Variants in ECHS1 observed in about 807,000 individuals in gnomAD.
The protein encoded by ECHS1 is enoyl-CoA hydratase, short chain 1, also known as enoyl-CoA hydratase, mitochondrial.
ECHS1 carries 19 observed loss-of-function variants against 33.5 expected under a neutral mutation model. The observed-to-expected ratio is 0.57, with a 90% CI of 0.40 to 0.83. The LOEUF is 0.83. Ranked by LOEUF, ECHS1 falls within the 40% of genes least tolerant of loss-of-function variation. ECHS1 has a pLI of 0.00. For missense variants in ECHS1, 365 were observed against 381.3 expected (o/e 0.96, Z 0.36); for synonymous variants, 158 against 146.6 (o/e 1.08, Z -0.56).
intron 1 of ECHS1, among the ~76,000 whole-genome samples, chr10:133,371,195 T>A (rs1849104071): frequency 6.6e-6 from 1 of 151,886 alleles, no homozygotes; most frequent in Non-Finnish European, 1.5e-5. Flanking sequence ...GAGAGTGGCA[T>A]GAACCCAGGA....
intron 2 of ECHS1, 47 bp from the exon 3 acceptor site, chr10:133,370,078 C>A: frequency 6.2e-7 from 1 of 1,609,026 alleles, no homozygotes; most frequent in Non-Finnish European, 8.5e-7. Context: ...AGCAGAGAGC[C>A]CACCCATCCT....
In ECHS1 at chr10:133,362,606, C is replaced by A; in HGVS notation, c.*262G>T. ...GGACCCGCAGGCCCCGCTTTCCGTC[C>A]GAGCACAGCATGCCCAGAGGGACCA... On this transcript the variant is annotated 3_prime_UTR_variant, in exon 8 of 8. Coordinates refer to ENST00000368547, the MANE Select transcript of ECHS1 (RefSeq NM_004092.4). The A allele has an allele frequency of 1.9e-6, 1 of 526,956 alleles. No individual in the cohort carries two copies. Among genetic ancestry groups the A allele is most frequent in the Non-Finnish European group, 3.4e-6 (1 of 292,756 alleles). The allele number at this position is 526,956 out of a possible 1,614,324, so 32.6% of individuals were successfully genotyped here.
At position 133,373,293 on chromosome 10, in the gene ECHS1, G is replaced by A. The variant is rs781545463; in HGVS notation, c.41C>T (p.Pro14Leu). 3 of 1,485,434 alleles carry A rather than the reference G, an allele frequency of 2.0e-6. No homozygotes were observed. Among genetic ancestry groups the A allele is most frequent in the Non-Finnish European group, 1.8e-6 (2 of 1,124,018 alleles). 92.0% of individuals were successfully genotyped at this position (1,485,434 alleles called of 1,614,324 possible). A position where few individuals can be genotyped will look rare whatever the true frequency, so the allele number is the denominator to read the frequency against. Residue 14 changes from proline (P) to leucine (L), a missense_variant, in exon 1 of 8, where the codon CCG becomes CTG. Transcript: ENST00000368547. ...GGGACAGCGAACCGGGGGCCTCAGCGGGCCGCGGACGCAGGACAGCAGGAC... is the reference window on the plus strand; with the variant it reads ...GGGACAGCGAACCGGGGGCCTCAGCAGGCCGCGGACGCAGGACAGCAGGAC... ...LRVLLSCVRG[P>L]LRPPVRCPAW...
At chr10:133,373,099 CGGGGTCAGG>C (rs1849136699) in intron 1 of ECHS1, 138 bp downstream of exon 1, 4 of 395,982 alleles carry the variant, frequency 1.0e-5, no homozygotes, top group Middle Eastern at 6.8e-4. Flanking sequence ...GGTGAGGGTG[CGGGGTCAGG>C]CGGAAGAGGG....
Position 133,370,712 on chromosome 10 carries a change from T to A in ECHS1, c.134A>T (p.Asn45Ile). The change falls in exon 2 of 8, where the codon AAC becomes ATC. Residue 45 changes from asparagine (N) to isoleucine (I), a missense_variant. By Grantham distance (149) the Asn-to-Ile change is moderately radical. Transcript: ENST00000368547. ...GTTCAGTTGGATCAACCCCACGGTG[T>A]TATTCTTCCCTCTTTTTTCTGCGAT... ...YIIAEKRGKN[N>I]TVGLIQLNRP... 1 of 1,612,814 alleles carries A rather than the reference T, an allele frequency of 6.2e-7. No homozygotes were observed. Among genetic ancestry groups the A allele is most frequent in the Non-Finnish European group, 8.5e-7 (1 of 1,179,668 alleles).
chr10:133,367,746 T>C (rs1002687751), intron 4 of ECHS1, among the ~76,000 whole-genome samples: 6 of 151,490 alleles, frequency 4.0e-5, no homozygotes, highest in Non-Finnish European at 8.9e-5. Context: ...TCCTGGTTCC[T>C]CTTTGAAGTT....
chr10:133,370,672 G>A lies in ECHS1; in HGVS notation c.174C>T (p.Leu58=). The part of the protein sequence containing the change: ...GLIQLNRPKA[L]NALCDGLIDE... ...CAATCAGGCCATCGCAAAGTGCATT[G>A]AGGGCCTTGGGGCGGTTCAGTTGGA... The change falls in exon 2 of 8, where the codon CTC becomes CTT. Residue 58 remains leucine, a synonymous_variant. Coordinates refer to ENST00000368547, the MANE Select transcript of ECHS1 (RefSeq NM_004092.4). The A allele has an allele frequency of 1.2e-6, 2 of 1,613,436 alleles. No homozygotes were observed. Among genetic ancestry groups the A allele is most frequent in the Non-Finnish European group, 1.7e-6 (2 of 1,179,858 alleles).
chr10:133,366,490 A>G (rs1305589702), intron 5 of ECHS1, among the ~76,000 whole-genome samples: 1 of 152,282 alleles, frequency 6.6e-6, no homozygotes, highest in Non-Finnish European at 1.5e-5. Context: ...ACTTCCGTAC[A>G]TACAGTACTT....
intron 1 of ECHS1, among the ~76,000 whole-genome samples, chr10:133,371,051 T>A (rs7904198): frequency 6.6e-6 from 1 of 152,230 alleles, no homozygotes; most frequent in Admixed American, 6.5e-5. Context: ...GCCGAAGCGG[T>A]CGAATCACAA....
At chr10:133,365,271 C>T (rs931370011) in intron 6 of ECHS1, among the ~76,000 whole-genome samples, 4 of 152,184 alleles carry the variant, frequency 2.6e-5, no homozygotes, top group East Asian at 1.9e-4. Context: ...ACACCTCGGG[C>T]GACAGCAGCC....
At chr10:133,366,208 C>T in intron 5 of ECHS1, 113 bp from the exon 6 acceptor site, 1 of 1,337,446 alleles carries the variant, frequency 7.5e-7, no homozygotes, top group South Asian at 1.4e-5. Flanking sequence ...CCTCTGGACG[C>T]TAAGCAAGGG....
chr10:133,364,080 G>A (rs1410520908), intron 7 of ECHS1, among the ~76,000 whole-genome samples: 5 of 151,910 alleles, frequency 3.3e-5, no homozygotes, highest in African/African-American at 1.2e-4. Context: ...GAGTAGCTGG[G>A]ATTACAGGCA....
At chr10:133,368,646 C>T (rs1849063976) in intron 4 of ECHS1, among the ~76,000 whole-genome samples, 1 of 152,194 alleles carries the variant, frequency 6.6e-6, no homozygotes, top group South Asian at 2.1e-4. Context: ...GAATCACAAG[C>T]AAGAACTGTC....
chr10:133,370,451 C>T (rs1263101657), intron 2 of ECHS1, 109 bp downstream of exon 2: 10 of 1,200,244 alleles, frequency 8.3e-6, no homozygotes, highest in South Asian at 1.7e-5. Context: ...AGTCCCCAGT[C>T]GCATGCCTCT....
intron 5 of ECHS1, 68 bp from the exon 6 acceptor site, chr10:133,366,163 G>A (rs949807075): frequency 6.4e-7 from 1 of 1,561,526 alleles, no homozygotes; most frequent in Non-Finnish European, 8.7e-7. Flanking sequence ...TCGAGTGAGT[G>A]GCCGCTGGGG....
rs756427513 is a variant in ECHS1 at position 133,366,950 on chromosome 10, C to G, written c.558G>C (p.Ser186=). The part of the protein sequence containing the change: ...TQRLTRAVGK[S]LAMEMVLTGD... ...CAGTGAGGACCATCTCCATCGCCAGCGACTTCCCAACAGCACGGGTGAGTC... is the reference window on the plus strand; with the variant it reads ...CAGTGAGGACCATCTCCATCGCCAGGGACTTCCCAACAGCACGGGTGAGTC... Residue 186 remains serine (S), a synonymous_variant, in exon 5 of 8, where the codon TCG becomes TCC. Coordinates refer to ENST00000368547, the MANE Select transcript of ECHS1 (RefSeq NM_004092.4). 2 of 1,612,654 alleles carry G rather than the reference C, an allele frequency of 1.2e-6. No individual in the cohort carries two copies. The highest frequency in any genetic ancestry group is 1.1e-5 in the South Asian group (1 of 91,078).
rs745469549 is a variant in ECHS1, at chr10:133,366,040, A to G, written c.675T>C (p.Cys225=). 6.2e-7 allele frequency: 1 copy of G among 1,613,990 alleles called. No homozygotes were observed. The highest frequency in any genetic ancestry group is 8.5e-7 in the Non-Finnish European group (1 of 1,180,020). The change falls in exon 6 of 8, where the codon TGT becomes TGC. Residue 225 remains cysteine (C), a synonymous_variant. Coordinates refer to ENST00000368547, the MANE Select transcript of ECHS1 (RefSeq NM_004092.4). The stretch of plus-strand genomic sequence containing the variant: ...TAGAATTGCTGGCAATTTTTTCTGC[A>G]CACTGGATGGCTTCTTCCACCAGTG... ...VETLVEEAIQ[C]AEKIASNSKI... is the part of the protein sequence containing the mutation.
At chr10:133,369,102 C>T in intron 3 of ECHS1, 80 bp from the exon 4 acceptor site, 2 of 1,381,484 alleles carry the variant, frequency 1.4e-6, no homozygotes. Context: ...TCAAATTTTC[C>T]ATTTAAAAGA....
Position 133,373,095 on chromosome 10 carries a change from G to A in ECHS1, c.88+151C>T, listed in dbSNP as rs561599978. 2.0e-4 allele frequency: 107 copies of A among 545,462 alleles called. No homozygotes were observed. The African/African-American group carries it at 2.4e-3, about 12-fold the overall frequency. 33.8% of individuals were successfully genotyped at this position (545,462 alleles called of 1,614,324 possible). A position where few individuals can be genotyped will look rare whatever the true frequency, so the allele number is the denominator to read the frequency against. ...GGGGTGCGGGTAGGGGTCAGGTGAG[G>A]GTGCGGGGTCAGGCGGAAGAGGGGT... On this transcript the variant is annotated intron_variant, in intron 1 of 7. Transcript: ENST00000368547.
Sources: allele counts gnomAD v4.1 joint callset (sites outside exome capture counted in the v4.1 genomes callset), GRCh38; gene constraint gnomAD v4.1.1; transcripts MANE v1.5; gene names NCBI Gene and HGNC (gene_info 2026-07-23, HGNC 2026-07-21).